The following ABCA3 variants were observed in gnomAD, a reference collection of about 807,000 sequenced individuals.
ABCA3 encodes the protein phospholipid-transporting ATPase ABCA3.
In ABCA3, 88 loss-of-function variants were observed where a neutral mutation model predicts 172.8. That is an observed-to-expected ratio of 0.51 (90% CI 0.43 to 0.61). The LOEUF (loss-of-function observed/expected upper bound fraction) is 0.61. Among genes scored for constraint, ABCA3 ranks in the 20% least tolerant of loss-of-function variants. The pLI is 0.00. For missense variants in ABCA3, 2,164 were observed against 2,301.0 expected, an observed-to-expected ratio of 0.94 and a Z score of 1.22; for synonymous variants, 1,066 against 983.8, an observed-to-expected ratio of 1.08 and a Z score of -1.56.
chr16:2,311,252 G>T (rs977236407), intron 10 of ABCA3, among the ~76,000 whole-genome samples: 1 of 152,110 alleles, frequency 6.6e-6, no homozygotes, highest in Non-Finnish European at 1.5e-5. Flanking sequence ...AATTACAGGC[G>T]TGAGCCACCG....
chr16:2,307,372 G>A (rs1206584280), intron 11 of ABCA3, among the ~76,000 whole-genome samples: 1 of 151,896 alleles, frequency 6.6e-6, no homozygotes, highest in African/African-American at 2.4e-5. Context: ...GGCCAACATG[G>A]CAAAACCCCC....
At chr16:2,340,252 G>C (rs1473989170) in intron 1 of ABCA3, among the ~76,000 whole-genome samples, 1 of 152,154 alleles carries the variant, frequency 6.6e-6, no homozygotes, top group Non-Finnish European at 1.5e-5. Flanking sequence ...GCCGTGCCGA[G>C]TCTCCGCAGG....
chr16:2,329,221 T>C (rs1567355865), intron 2 of ABCA3, among the ~76,000 whole-genome samples: 1 of 152,300 alleles, frequency 6.6e-6, no homozygotes, highest in East Asian at 1.9e-4. Flanking sequence ...CCAATTCTTT[T>C]AAAATTAATA....
In ABCA3 at chr16:2,278,801, T is replaced by A; in HGVS notation, c.4547+142A>T. 1 of 1,289,450 alleles carries A rather than the reference T, an allele frequency of 7.8e-7. No individual in the cohort carries two copies. Among genetic ancestry groups the A allele is most frequent in the South Asian group, 1.3e-5 (1 of 79,224 alleles). The allele number at this position is 1,289,450 out of a possible 1,614,324, so 79.9% of individuals were successfully genotyped here. On this transcript the variant is annotated intron_variant, in intron 29 of 32. Transcript: ENST00000301732. This position sits in a 1 kb window ranked among gnomAD's most constrained non-coding sequence, Gnocchi z 4.4. Reference sequence around the variant, plus strand: ...CCTTTCCTACGTGGAGCTACCTGGGTCACACCACCACATCCCAGCTCCATC... The same window carrying A: ...CCTTTCCTACGTGGAGCTACCTGGGACACACCACCACATCCCAGCTCCATC...
intron 8 of ABCA3, among the ~76,000 whole-genome samples, chr16:2,318,525 T>G (rs1214807989): frequency 6.6e-6 from 1 of 151,994 alleles, no homozygotes; most frequent in African/African-American, 2.4e-5. Flanking sequence ...TTTTCTTTTT[T>G]TTTTTTAGAT....
chr16:2,332,862 C>T (rs1257198383), intron 1 of ABCA3: 1 of 548,540 alleles, frequency 1.8e-6, no homozygotes, highest in Admixed American at 3.3e-5. Flanking sequence ...GTTGGAGTGC[C>T]GTTGCGTGAG....
chr16:2,310,976 CTTTT>C (rs200727344), intron 10 of ABCA3, among the ~76,000 whole-genome samples: 50 of 151,100 alleles, frequency 3.3e-4, no homozygotes, highest in African/African-American at 1.2e-3. Flanking sequence ...CTTTTCTTTT[CTTTT>C]TTTTTCTTTT....
Position 2,285,738 on chromosome 16 carries a change from A to C in ABCA3, c.3279-92T>G. ...TCGGTTATGACCGCCCAAGGCATGC[A>C]GGGCAGCAGCCCAACCACTAAAGGG... On this transcript the variant is annotated intron_variant, in intron 22 of 32. Coordinates refer to ENST00000301732, the MANE Select transcript of ABCA3 (RefSeq NM_001089.3). This position sits in a 1 kb window ranked among gnomAD's most constrained non-coding sequence, Gnocchi z 4.7. 7.7e-7 allele frequency: 1 copy of C among 1,302,038 alleles called. No homozygotes were observed. The highest frequency in any genetic ancestry group is 1.3e-5 in the South Asian group (1 of 78,506). The allele number at this position is 1,302,038 out of a possible 1,614,324, so 80.7% of individuals were successfully genotyped here. A position where few individuals can be genotyped will look rare whatever the true frequency, so the allele number is the denominator to read the frequency against.
chr16:2,329,417 G>A (rs1302115562), intron 2 of ABCA3, among the ~76,000 whole-genome samples: 2 of 152,158 alleles, frequency 1.3e-5, no homozygotes, highest in Non-Finnish European at 2.9e-5. Context: ...CGTGGGGTTG[G>A]CTGAGATGAA....
chr16:2,275,965 C>T lies in ABCA3; in HGVS notation c.*709G>A. On this transcript the variant is annotated 3_prime_UTR_variant, in exon 33 of 33. Coordinates refer to ENST00000301732, the MANE Select transcript of ABCA3 (RefSeq NM_001089.3). ...CAGCCACCCAGCCCTTAGGGTGGTC[C>T]CTGCGTGTCCTGGGGCGGGCGACTT... 1 of 217,236 alleles carries T rather than the reference C, an allele frequency of 4.6e-6. No homozygotes were observed. The highest frequency in any genetic ancestry group is 9.4e-6 in the Non-Finnish European group (1 of 106,592). 13.5% of individuals were successfully genotyped at this position (217,236 alleles called of 1,614,324 possible).
intron 8 of ABCA3, among the ~76,000 whole-genome samples, chr16:2,318,518 T>G (rs1415677553): frequency 2.0e-5 from 3 of 151,876 alleles, no homozygotes; most frequent in Non-Finnish European, 4.4e-5. Flanking sequence ...TTTCTCTTTT[T>G]CTTTTTTTTT....
At chr16:2,309,197 T>C (rs1371037329) in intron 10 of ABCA3, among the ~76,000 whole-genome samples, 1 of 152,132 alleles carries the variant, frequency 6.6e-6, no homozygotes, top group African/African-American at 2.4e-5. Context: ...CCACCGGCCT[T>C]GGCCTTCCAA....
At position 2,283,327 on chromosome 16, in the gene ABCA3, C is replaced by A. The variant is rs1205024924; in HGVS notation, c.3894G>T (p.Trp1298Cys). The A allele has an allele frequency of 6.2e-7, 1 of 1,613,174 alleles. No homozygotes were observed. Among genetic ancestry groups the A allele is most frequent in the Non-Finnish European group, 8.5e-7 (1 of 1,179,994 alleles). ...NIQYQENFYA[W>C]SAPGVGRFVA... is the part of the protein sequence containing the mutation. The stretch of plus-strand genomic sequence containing the variant: ...CAAACCGGCCGACCCCCGGGGCGCT[C>A]CAGGCATAGAAGTTCTCCTGGTACT... The change falls in exon 26 of 33, where the codon TGG becomes TGT. Residue 1298 changes from tryptophan to cysteine, a missense_variant. By Grantham distance (215) the Trp-to-Cys change is radical. Around this residue, in one of 3 missense-constraint regions of ABCA3, gnomAD observed 795 missense variants for 881.9 expected, o/e 0.90. Transcript: ENST00000301732. The surrounding 1 kb of genome is among the most constrained non-coding windows in gnomAD (Gnocchi z 5.4).
At chr16:2,336,084 G>C (rs945847614) in intron 1 of ABCA3, among the ~76,000 whole-genome samples, 1 of 152,126 alleles carries the variant, frequency 6.6e-6, no homozygotes, top group African/African-American at 2.4e-5. Flanking sequence ...CAGTATATGA[G>C]AGTTACAGCT....
rs1345337236 is a variant in ABCA3 at position 2,328,501 on chromosome 16, C to A, written c.-75G>T. On this transcript the variant is annotated 5_prime_UTR_variant, in exon 3 of 33. Transcript: ENST00000301732. ...AGTAAGTTCAAGTAGGCGCTGCAAC[C>A]CGCAGGAAATAGGAGAAACGTGCTC... is the stretch of plus-strand genomic sequence containing the variant. 1 of 512,804 alleles carries A rather than the reference C, an allele frequency of 2.0e-6. No homozygotes were observed. Among genetic ancestry groups the A allele is most frequent in the East Asian group, 5.5e-5 (1 of 18,206 alleles). 31.8% of individuals were successfully genotyped at this position (512,804 alleles called of 1,614,324 possible). A position where few individuals can be genotyped will look rare whatever the true frequency, so the allele number is the denominator to read the frequency against.
chr16:2,322,410 G>C (rs1448540397), intron 7 of ABCA3, among the ~76,000 whole-genome samples: 3 of 151,298 alleles, frequency 2.0e-5, no homozygotes, highest in Non-Finnish European at 4.4e-5. Context: ...TTAAGTTTTA[G>C]GGTACGTGTG....
chr16:2,285,384 C>T lies in ABCA3; in HGVS notation c.3483+58G>A. On this transcript the variant is annotated intron_variant, in intron 23 of 32. Coordinates refer to ENST00000301732, the MANE Select transcript of ABCA3 (RefSeq NM_001089.3). The surrounding 1 kb of genome is among the most constrained non-coding windows in gnomAD (Gnocchi z 4.7). ...CTGGTTCCGGTTCTGCACAGGGGTC[C>T]CAGGGCAAGCCCTCTGCGGTCTGCA... 1 of 1,551,026 alleles carries T rather than the reference C, an allele frequency of 6.4e-7. No individual in the cohort carries two copies. The highest frequency in any genetic ancestry group is 1.9e-4 in the Middle Eastern group (1 of 5,136).
At chr16:2,306,414 C>A (rs556836263) in intron 11 of ABCA3, among the ~76,000 whole-genome samples, 52 of 152,316 alleles carry the variant, frequency 3.4e-4, no homozygotes, top group African/African-American at 1.2e-3. Flanking sequence ...TATGTAAAAG[C>A]TAAAGTGTCA....
At chr16:2,325,613 T>C (rs553956591) in intron 5 of ABCA3, among the ~76,000 whole-genome samples, 1 of 152,352 alleles carries the variant, frequency 6.6e-6, no homozygotes, top group African/African-American at 2.4e-5. Flanking sequence ...TTTCCTTATG[T>C]ATCTTATTGG....
Sources: gnomAD v4.1 joint callset for allele counts (sites outside exome capture counted in the v4.1 genomes callset) on GRCh38, gnomAD v4.1.1 for gene constraint, gnomAD v4.1.1 regional missense constraint, Gnocchi (gnomAD v3.1) non-coding constraint, MANE v1.5 for transcripts, NCBI Gene and HGNC (gene_info 2026-07-23, HGNC 2026-07-21) for gene names.